Variants in CDH5 observed in about 807,000 individuals in gnomAD.
CDH5 encodes the protein cadherin-5.
CDH5 carries 28 observed loss-of-function variants against 62.0 expected under a neutral mutation model. The ratio of observed to expected loss-of-function variants is 0.45; its 90% CI spans 0.33 to 0.62. CDH5 has a LOEUF of 0.62. Among genes scored for constraint, CDH5 ranks in the 20% least tolerant of loss-of-function variants. CDH5 has a pLI of 0.02. For missense variants in CDH5, 940 were observed against 1,065.1 expected, an observed-to-expected ratio of 0.88 and a Z score of 1.63; for synonymous variants, 464 against 445.8, an observed-to-expected ratio of 1.04 and a Z score of -0.52.
intron 2 of CDH5, among the ~76,000 whole-genome samples, chr16:66,383,428 G>A (rs552363673): frequency 6.6e-6 from 1 of 152,088 alleles, no homozygotes; most frequent in East Asian, 1.9e-4. Context: ...TAAAGTCTAG[G>A]GAAGAAAAAT....
chr16:66,369,523 G>A (rs538349175), intron 1 of CDH5, among the ~76,000 whole-genome samples: 28 of 152,282 alleles, frequency 1.8e-4, no homozygotes, highest in African/African-American at 2.4e-4. Context: ...CACAGCTCCC[G>A]AGCAGCTGGG....
rs1271543479 is a variant in CDH5, at chr16:66,389,508, C to A, written c.767C>A (p.Pro256His). ...VTLQDINDNF[P>H]FFTQTKYTFV... ...CTGCAAGACATCAATGACAACTTCC[C>A]CTTCTTCACCCAGAGTGAGCCCCTC... The change falls in exon 5 of 12, where the codon CCC becomes CAC. Residue 256 changes from proline (P) to histidine (H), a missense_variant. By Grantham distance (77) the Pro-to-His change is moderately conservative (BLOSUM62 -2). Coordinates refer to ENST00000341529, the MANE Select transcript of CDH5 (RefSeq NM_001795.5). The A allele has an allele frequency of 6.3e-7, 1 of 1,593,762 alleles. No individual in the cohort carries two copies.
intron 2 of CDH5, among the ~76,000 whole-genome samples, chr16:66,382,348 C>T (rs761955448): frequency 2.0e-5 from 3 of 152,198 alleles, no homozygotes; most frequent in Non-Finnish European, 2.9e-5. Flanking sequence ...AGCATGGCCA[C>T]TCATAGGGGA....
Position 66,396,134 on chromosome 16 carries a change from A to G in CDH5, c.1293A>G (p.Lys431=), listed in dbSNP as rs1011601610. The G allele has an allele frequency of 6.2e-7, 1 of 1,614,206 alleles. No individual in the cohort carries two copies. Among genetic ancestry groups the G allele is most frequent in the Non-Finnish European group, 8.5e-7 (1 of 1,180,030 alleles). The stretch of plus-strand genomic sequence containing the variant: ...AAAAGGGGGACATTTACAATGAGAA[A>G]GAACTGGACAGAGAAGTCTACCCCT... ...VTKKGDIYNE[K]ELDREVYPWY... Residue 431 remains lysine, a synonymous_variant, in exon 8 of 12, where the codon AAA becomes AAG. Transcript: ENST00000341529.
In CDH5 at chr16:66,397,991, C is replaced by A. The variant is rs962038314; in HGVS notation, c.1370C>A (p.Thr457Lys). Residue 457 changes from threonine (T) to lysine (K), a missense_variant, in exon 9 of 12, where the codon ACA becomes AAA. By Grantham distance (78) the Thr-to-Lys change is moderately conservative. Coordinates refer to ENST00000341529, the MANE Select transcript of CDH5 (RefSeq NM_001795.5). Reference protein sequence around the residue: ...AKELDSTGTPTGKESIVQVHI... With the variant: ...AKELDSTGTPKGKESIVQVHI... The stretch of plus-strand genomic sequence containing the variant: ...GTCTTCTCCCCTGCAGGAACCCCCA[C>A]AGGAAAAGAATCCATTGTGCAAGTC... 1.9e-6 allele frequency: 3 copies of A among 1,614,064 alleles called. No individual in the cohort carries two copies. In the African/African-American group the frequency reaches 4.0e-5, roughly 22 times the overall value.
chr16:66,380,715 A>AGGT (rs1019917870), intron 2 of CDH5, among the ~76,000 whole-genome samples: 6 of 147,812 alleles, frequency 4.1e-5, no homozygotes, highest in African/African-American at 7.5e-5. Flanking sequence ...GGGAAGGACA[A>AGGT]GGTGGTGGTG....
intron 11 of CDH5, among the ~76,000 whole-genome samples, chr16:66,401,492 T>G (rs542545191): frequency 1.2e-4 from 18 of 152,358 alleles, no homozygotes; most frequent in African/African-American, 3.8e-4. Flanking sequence ...CCTCCGGCCT[T>G]GATACATATT....
Position 66,389,451 on chromosome 16 carries a change from G to A in CDH5, c.710G>A (p.Gly237Glu). Residue 237 changes from glycine (G) to glutamate (E), a missense_variant, in exon 5 of 12, where the codon GGG becomes GAG. By Grantham distance (98) the Gly-to-Glu change is moderately conservative. Transcript: ENST00000341529. The stretch of plus-strand genomic sequence containing the variant: ...GCGCGAGATGCCCAGGGCCTCCGGG[G>A]GGACTCGGGCACGGCCACCGTGCTG... ...VEARDAQGLR[G>E]DSGTATVLVT... 6.2e-7 allele frequency: 1 copy of A among 1,613,318 alleles called. No homozygotes were observed. The highest frequency in any genetic ancestry group is 8.5e-7 in the Non-Finnish European group (1 of 1,179,614).
Position 66,398,014 on chromosome 16 carries a change from G to A in CDH5, c.1393G>A (p.Val465Ile), listed in dbSNP as rs756486491. The change falls in exon 9 of 12, where the codon GTC becomes ATC. Residue 465 changes from valine to isoleucine, a missense_variant. Transcript: ENST00000341529. ...CACAGGAAAAGAATCCATTGTGCAA[G>A]TCCACATTGAAGTTTTGGATGAGAA... Reference protein sequence around the residue: ...TPTGKESIVQVHIEVLDENDN... With the variant: ...TPTGKESIVQIHIEVLDENDN... The A allele has an allele frequency of 1.9e-6, 3 of 1,614,060 alleles. No individual in the cohort carries two copies. Among genetic ancestry groups the A allele is most frequent in the Non-Finnish European group, 1.7e-6 (2 of 1,180,014 alleles).
At chr16:66,386,693 C>CACATATCATATTTAGGG in intron 2 of CDH5, 116 bp from the exon 3 acceptor site, 1 of 887,196 alleles carries the variant, frequency 1.1e-6, no homozygotes, top group African/African-American at 1.7e-5. Flanking sequence ...TGGCCAGCAC[C>CACATATCATATTTAGGG]ACACACACCA....
rs779901945 is a variant in CDH5, at chr16:66,402,896, C to A, written c.2082C>A (p.His694Gln). ...CGCAGGTGCAGAAGCCACCGAGGCA[C>A]GCGCCTGGGGCACACGGAGGGCCCG... is the stretch of plus-strand genomic sequence containing the variant. ...LYAQVQKPPR[H>Q]APGAHGGPGE... The change falls in exon 12 of 12, where the codon CAC becomes CAA. Residue 694 changes from histidine (H) to glutamine (Q), a missense_variant. Transcript: ENST00000341529. 10 of 1,611,118 alleles carry A rather than the reference C, an allele frequency of 6.2e-6. No individual in the cohort carries two copies. Among genetic ancestry groups the A allele is most frequent in the Middle Eastern group, 3.3e-4 (2 of 6,056 alleles).
In CDH5 at chr16:66,392,367, G is replaced by T. The variant is rs1961103334; in HGVS notation, c.1201G>T (p.Ala401Ser). ...AGTGCTGGCCATGGACCCTGATGCG[G>T]CTAGGCATAGCATTGGGTAAGGGGG... The part of the protein sequence containing the change: ...GTVLAMDPDA[A>S]RHSIGYSIRR... Residue 401 changes from alanine to serine, a missense_variant, in exon 7 of 12, where the codon GCT (alanine) becomes TCT (serine). Ala to Ser is a moderately conservative substitution (Grantham distance 99, BLOSUM62 1). Coordinates refer to ENST00000341529, the MANE Select transcript of CDH5 (RefSeq NM_001795.5). The T allele has an allele frequency of 6.2e-7, 1 of 1,614,204 alleles. No homozygotes were observed. Among genetic ancestry groups the T allele is most frequent in the East Asian group, 2.2e-5 (1 of 44,876 alleles).
chr16:66,402,828 A>C lies in CDH5; in HGVS notation c.2014A>C (p.Lys672Gln). 6.3e-7 allele frequency: 1 copy of C among 1,599,164 alleles called. No individual in the cohort carries two copies. Among genetic ancestry groups the C allele is most frequent in the Non-Finnish European group, 8.5e-7 (1 of 1,173,668 alleles). Residue 672 changes from lysine (K) to glutamine (Q), a missense_variant, in exon 12 of 12, where the codon AAG becomes CAG. Transcript: ENST00000341529. The stretch of plus-strand genomic sequence containing the variant: ...CAACTCGGTGCGCCGCGGCGGGGCC[A>C]AGCCCCCGCGGCCCGCGCTGGACGC... ...VLNSVRRGGA[K>Q]PPRPALDARP...
Position 66,379,400 on chromosome 16 carries a change from A to G in CDH5, c.63A>G (p.Ala21=), listed in dbSNP as rs762056304. The part of the protein sequence containing the change: ...SGACLGLLAV[A]AVAAAGANPA... ...CCTGCCTGGGCCTGCTGGCAGTGGC[A>G]GCAGTGGCAGCAGCAGGTGCTAACC... is the stretch of plus-strand genomic sequence containing the variant. Residue 21 remains alanine (A), a synonymous_variant, in exon 2 of 12, where the codon GCA becomes GCG. Transcript: ENST00000341529. 3 of 1,613,852 alleles carry G rather than the reference A, an allele frequency of 1.9e-6. No individual in the cohort carries two copies. The highest frequency in any genetic ancestry group is 2.5e-6 in the Non-Finnish European group (3 of 1,179,888).
chr16:66,373,639 A>C (rs1483087319), intron 1 of CDH5, among the ~76,000 whole-genome samples: 6 of 151,740 alleles, frequency 4.0e-5, no homozygotes, highest in Non-Finnish European at 7.4e-5. Flanking sequence ...CTGGTCTCGA[A>C]CTCCTGACCT....
At chr16:66,402,080 C>T (rs1961292717) in intron 11 of CDH5, among the ~76,000 whole-genome samples, 1 of 152,156 alleles carries the variant, frequency 6.6e-6, no homozygotes, top group Non-Finnish European at 1.5e-5. Context: ...CACAACCATC[C>T]TCCCAAATAT....
chr16:66,384,432 A>C (rs768462538), intron 2 of CDH5, among the ~76,000 whole-genome samples: 3 of 151,670 alleles, frequency 2.0e-5, no homozygotes, highest in Non-Finnish European at 4.4e-5. Context: ...AGATGCCTTC[A>C]CACAAAAGCC....
At chr16:66,392,066 C>T in intron 6 of CDH5, 70 bp from the exon 7 acceptor site, 2 of 1,585,804 alleles carry the variant, frequency 1.3e-6, no homozygotes, top group Non-Finnish European at 1.7e-6. Context: ...TGCATAGTTG[C>T]TGTGCAGATC....
intron 8 of CDH5, among the ~76,000 whole-genome samples, chr16:66,397,124 T>C (rs1453742194): frequency 6.6e-6 from 1 of 152,248 alleles, no homozygotes; most frequent in Non-Finnish European, 1.5e-5. Flanking sequence ...ATTTTTATAC[T>C]TACATGAGAT....
Sources: allele counts gnomAD v4.1 joint callset (sites outside exome capture counted in the v4.1 genomes callset), GRCh38; gene constraint gnomAD v4.1.1; transcripts MANE v1.5; gene names NCBI Gene and HGNC (gene_info 2026-07-23, HGNC 2026-07-21).